The following RPL39L variants were observed in gnomAD, a reference collection of about 807,000 sequenced individuals.
RPL39L encodes the protein ribosomal protein eL39-like 2.
For missense variants in RPL39L, 48 were observed against 58.9 expected (o/e 0.81, Z 0.61); for synonymous variants, 16 against 20.1 (o/e 0.80, Z 0.55).
chr3:187,133,818 T>C (rs1169427975), intron 1 of RPL39L, among the ~76,000 whole-genome samples: 1 of 152,132 alleles, frequency 6.6e-6, no homozygotes, highest in Non-Finnish European at 1.5e-5. Context: ...AAATCGAACC[T>C]GGTAGTGTAC....
At chr3:187,128,788 G>A (rs1720440415) in intron 1 of RPL39L, among the ~76,000 whole-genome samples, 2 of 152,348 alleles carry the variant, frequency 1.3e-5, no homozygotes, top group South Asian at 4.1e-4. Flanking sequence ...CAAGGTCTGT[G>A]TGTAATGCTT....
chr3:187,126,728 A>G (rs1286771490), intron 2 of RPL39L, among the ~76,000 whole-genome samples: 3 of 152,214 alleles, frequency 2.0e-5, no homozygotes, highest in Non-Finnish European at 2.9e-5. Context: ...GCCTGAAGCC[A>G]CTTTTTCATG....
At chr3:187,137,774 G>C (rs11709222) in intron 1 of RPL39L, among the ~76,000 whole-genome samples, 11,868 of 149,914 alleles carry the variant, frequency 0.079, 1,466 homozygotes, top group African/African-American at 0.27. Context: ...GTTGCAGTGA[G>C]CCAGGATTGC....
intron 1 of RPL39L, among the ~76,000 whole-genome samples, chr3:187,128,914 A>C (rs562332276): frequency 3.3e-5 from 5 of 152,298 alleles, no homozygotes; most frequent in African/African-American, 9.6e-5. Flanking sequence ...ACCTAGCCAG[A>C]CCCTATTATA....
At chr3:187,122,000 A>T (rs571848399) in intron 2 of RPL39L, among the ~76,000 whole-genome samples, 3 of 152,366 alleles carry the variant, frequency 2.0e-5, no homozygotes, top group African/African-American at 7.2e-5. Context: ...AAACCTATAA[A>T]ACAAGTAATT....
Position 187,132,599 on chromosome 3 carries a change from G to A in RPL39L, c.-92-4537C>T, listed in dbSNP as rs12152288. On this transcript the variant is annotated intron_variant, in intron 1 of 2. Coordinates refer to ENST00000296277, the MANE Select transcript of RPL39L (RefSeq NM_052969.3). ...TAGTAAGAAACAGATGTTTCCCCCCGTATGGTTTATGGTTTCTCACTATCT... is the reference window on the plus strand; with the variant it reads ...TAGTAAGAAACAGATGTTTCCCCCCATATGGTTTATGGTTTCTCACTATCT... Among the ~76,000 whole-genome samples the A allele has an allele frequency of 5.8e-3, 878 of 152,236 alleles. 16 individuals are homozygous for A. Among genetic ancestry groups the A allele is most frequent in the East Asian group, 0.053 (274 of 5,182 alleles).
chr3:187,127,214 C>T (rs1471088991), intron 2 of RPL39L, among the ~76,000 whole-genome samples: 1 of 152,128 alleles, frequency 6.6e-6, no homozygotes, highest in African/African-American at 2.4e-5. Flanking sequence ...GTTTTAAAAG[C>T]CCATCCAGGT....
intron 1 of RPL39L, 150 bp from the exon 2 acceptor site, chr3:187,128,212 G>A (rs1477108671): frequency 6.6e-6 from 1 of 152,176 alleles, no homozygotes; most frequent in Non-Finnish European, 1.5e-5. Flanking sequence ...TTTGCAGAAA[G>A]AGAGGCAATG....
chr3:187,138,942 C>A (rs938469225), intron 1 of RPL39L, among the ~76,000 whole-genome samples: 1 of 152,168 alleles, frequency 6.6e-6, no homozygotes, highest in Non-Finnish European at 1.5e-5. Context: ...GCCTGTAACC[C>A]CAGCTACTCA....
chr3:187,126,717 A>G (rs1720403461), intron 2 of RPL39L, among the ~76,000 whole-genome samples: 1 of 152,212 alleles, frequency 6.6e-6, no homozygotes, highest in Admixed American at 6.5e-5. Context: ...GAAGTAAACA[A>G]GCCTGAAGCC....
chr3:187,129,938 C>A (rs1441787680), intron 1 of RPL39L, among the ~76,000 whole-genome samples: 1 of 151,424 alleles, frequency 6.6e-6, no homozygotes, highest in East Asian at 1.9e-4. Context: ...TCATCTAGGT[C>A]ACCCAGTAGG....
intron 1 of RPL39L, among the ~76,000 whole-genome samples, chr3:187,128,753 C>G (rs865833217): frequency 1.8e-4 from 28 of 152,222 alleles, no homozygotes; most frequent in African/African-American, 5.8e-4. Flanking sequence ...AGACAGGTAT[C>G]TGAACAACCA....
At chr3:187,134,463 A>G (rs1720537885) in intron 1 of RPL39L, among the ~76,000 whole-genome samples, 1 of 147,748 alleles carries the variant, frequency 6.8e-6, no homozygotes, top group African/African-American at 2.6e-5. Flanking sequence ...GTAGTGCCCA[A>G]ACTACTTTAG....
intron 1 of RPL39L, among the ~76,000 whole-genome samples, chr3:187,138,310 C>G (rs1305474576): frequency 6.6e-6 from 1 of 152,142 alleles, no homozygotes; most frequent in African/African-American, 2.4e-5. Flanking sequence ...AAAGTAAGTA[C>G]AGGGCCCTTC....
chr3:187,121,493 C>G (rs1343216922), intron 2 of RPL39L, among the ~76,000 whole-genome samples, 165 bp from the exon 3 acceptor site: 9 of 152,196 alleles, frequency 5.9e-5, no homozygotes, highest in Admixed American at 5.9e-4. Context: ...CAGGAGCCAG[C>G]AGCGGTCTGA....
At chr3:187,130,414 C>T (rs539426577) in intron 1 of RPL39L, among the ~76,000 whole-genome samples, 22 of 152,250 alleles carry the variant, frequency 1.4e-4, no homozygotes, top group African/African-American at 4.3e-4. Context: ...GTGTTTGGGT[C>T]GTAGGAATGG....
chr3:187,137,198 C>CCA (rs1720595085), intron 1 of RPL39L, among the ~76,000 whole-genome samples: 1 of 37,626 alleles, frequency 2.7e-5, no homozygotes. Context: ...CACTCTTCCT[C>CCA]AAAAAAAAAA....
At chr3:187,131,517 C>G (rs1274591371) in intron 1 of RPL39L, among the ~76,000 whole-genome samples, 1 of 152,144 alleles carries the variant, frequency 6.6e-6, no homozygotes, top group Non-Finnish European at 1.5e-5. Context: ...GCCTGGGAGA[C>G]AGAGAGAGAC....
At chr3:187,129,178 C>T (rs185696913) in intron 1 of RPL39L, among the ~76,000 whole-genome samples, 56 of 152,330 alleles carry the variant, frequency 3.7e-4, no homozygotes, top group African/African-American at 1.3e-3. Context: ...AGTTAATACA[C>T]TGCAATTTCA....
Sources: gnomAD v4.1 joint callset for allele counts (sites outside exome capture counted in the v4.1 genomes callset) on GRCh38, gnomAD v4.1.1 for gene constraint, MANE v1.5 for transcripts, NCBI Gene and HGNC (gene_info 2026-07-23, HGNC 2026-07-21) for gene names.